The following EPHA5 variants were observed in gnomAD, a reference collection of about 807,000 sequenced individuals.
EPHA5 encodes EPH receptor A5, also known as ephrin type-A receptor 5.
Under a neutral mutation model 105.0 loss-of-function variants are expected in EPHA5, and 60 were observed. The ratio of observed to expected loss-of-function variants is 0.57; its 90% CI spans 0.46 to 0.71. The LOEUF (loss-of-function observed/expected upper bound fraction) is 0.71, where lower values mean the gene tolerates loss of function less well. Among genes scored for constraint, EPHA5 ranks in the 30% least tolerant of loss-of-function variants. EPHA5 has a pLI of 0.00. For synonymous variants in EPHA5, 513 were observed against 449.1 expected, an observed-to-expected ratio of 1.14 and a Z score of -1.80; for missense variants, 1,218 against 1,274.7, an observed-to-expected ratio of 0.96 and a Z score of 0.68.
At chr4:65,597,168 C>A (rs1292567019) in intron 3 of EPHA5, among the ~76,000 whole-genome samples, 5 of 152,156 alleles carry the variant, frequency 3.3e-5, no homozygotes, top group African/African-American at 4.8e-5. Flanking sequence ...TATATACCTT[C>A]TTCACTCTGA....
intron 3 of EPHA5, among the ~76,000 whole-genome samples, chr4:65,526,597 C>T (rs1735254415): frequency 6.6e-6 from 1 of 151,800 alleles, no homozygotes; most frequent in Non-Finnish European, 1.5e-5. Flanking sequence ...AAGCAATTTC[C>T]TATTTAGTAA....
In EPHA5 at chr4:65,603,250, G is replaced by A. The variant is rs138678804; in HGVS notation, c.247-946C>T. ...AAAATACTCCAGTTTTGAGAATCTC[G>A]ATGTACCATAACCATTTCCTGAACG... is the stretch of plus-strand genomic sequence containing the variant. On this transcript the variant is annotated intron_variant, in intron 2 of 16. Coordinates refer to ENST00000613740, the MANE Select transcript of EPHA5 (RefSeq NM_001281766.3). 5.0e-4 allele frequency among the ~76,000 whole-genome samples: 76 copies of A among 152,006 alleles called. 1 individual carries two copies. The East Asian group carries it at 0.013, about 25-fold the overall frequency.
intron 13 of EPHA5, 119 bp from the exon 14 acceptor site, chr4:65,348,322 A>G: frequency 2.2e-6 from 2 of 911,362 alleles, no homozygotes; most frequent in Non-Finnish European, 3.3e-6. Context: ...TCTGTTTGAC[A>G]GCGCGCAGTG....
intron 2 of EPHA5, among the ~76,000 whole-genome samples, chr4:65,613,988 G>T (rs1745006056): frequency 6.6e-6 from 1 of 151,764 alleles, no homozygotes; most frequent in Non-Finnish European, 1.5e-5. Context: ...TATTTTACTT[G>T]AGAATTACTA....
At chr4:65,584,009 A>G (rs1741891430) in intron 3 of EPHA5, among the ~76,000 whole-genome samples, 1 of 151,698 alleles carries the variant, frequency 6.6e-6, no homozygotes. Context: ...AAATTGTAAA[A>G]TAATGTATTT....
intron 14 of EPHA5, among the ~76,000 whole-genome samples, chr4:65,346,502 T>C (rs1424567767): frequency 6.6e-6 from 1 of 152,130 alleles, no homozygotes; most frequent in African/African-American, 2.4e-5. Context: ...CTCACATGTA[T>C]ATTTTATATA....
intron 5 of EPHA5, among the ~76,000 whole-genome samples, chr4:65,470,306 C>T (rs556166788): frequency 3.9e-4 from 59 of 152,068 alleles, no homozygotes; most frequent in African/African-American, 1.4e-3. Flanking sequence ...ATTATCCCAC[C>T]TCAGCCTCCC....
intron 5 of EPHA5, among the ~76,000 whole-genome samples, chr4:65,478,417 A>T (rs982770809): frequency 6.6e-6 from 1 of 152,180 alleles, no homozygotes; most frequent in Non-Finnish European, 1.5e-5. Flanking sequence ...TCAAATTACA[A>T]ATCTGTTTTC....
intron 3 of EPHA5, among the ~76,000 whole-genome samples, chr4:65,498,007 G>A (rs962644666): frequency 6.6e-6 from 1 of 151,978 alleles, no homozygotes; most frequent in African/African-American, 2.4e-5. Flanking sequence ...AGTAAACATA[G>A]ATACCCAATT....
intron 3 of EPHA5, among the ~76,000 whole-genome samples, chr4:65,496,040 A>G (rs943738318): frequency 4.6e-5 from 7 of 152,202 alleles, no homozygotes; most frequent in African/African-American, 1.4e-4. Flanking sequence ...GGGAGAATGC[A>G]TAGATGACCT....
intron 5 of EPHA5, among the ~76,000 whole-genome samples, chr4:65,439,572 C>T (rs1251818327): frequency 1.3e-5 from 2 of 152,012 alleles, no homozygotes; most frequent in African/African-American, 4.8e-5. Flanking sequence ...AGTAGAATTA[C>T]AAGATGCTGA....
At chr4:65,424,801 GATTTTATTA>G (rs1476012346) in intron 5 of EPHA5, among the ~76,000 whole-genome samples, 1 of 151,878 alleles carries the variant, frequency 6.6e-6, no homozygotes, top group African/African-American at 2.4e-5. Context: ...AAATTTCCTT[GATTTTATTA>G]ATTTTATTAA....
At chr4:65,480,536 G>GA (rs1175944743) in intron 5 of EPHA5, among the ~76,000 whole-genome samples, 4 of 151,842 alleles carry the variant, frequency 2.6e-5, no homozygotes, top group South Asian at 2.1e-4. Flanking sequence ...GAAAGTGAAG[G>GA]AAAAAAACAT....
chr4:65,403,736 A>T (rs914343014), intron 8 of EPHA5, among the ~76,000 whole-genome samples: 11 of 152,112 alleles, frequency 7.2e-5, no homozygotes, highest in Non-Finnish European at 2.9e-5. Flanking sequence ...TTGGTATAAA[A>T]TGAAAAATGT....
chr4:65,593,164 A>G (rs1213638274), intron 3 of EPHA5, among the ~76,000 whole-genome samples: 1 of 152,200 alleles, frequency 6.6e-6, no homozygotes, highest in African/African-American at 2.4e-5. Context: ...CTTAAGTCAT[A>G]ATGCAATTAT....
intron 11 of EPHA5, among the ~76,000 whole-genome samples, chr4:65,361,142 T>C (rs1266455693): frequency 1.3e-5 from 2 of 151,638 alleles, no homozygotes; most frequent in African/African-American, 4.8e-5. Flanking sequence ...TGTACTCCAA[T>C]GTAGAACTGG....
intron 3 of EPHA5, among the ~76,000 whole-genome samples, chr4:65,502,640 A>T (rs1360372351): frequency 6.6e-6 from 1 of 151,914 alleles, no homozygotes; most frequent in African/African-American, 2.4e-5. Context: ...ATGCTTATAC[A>T]CTGTTGGTTG....
At chr4:65,339,944 T>C (rs936754547) in intron 14 of EPHA5, among the ~76,000 whole-genome samples, 24 of 152,214 alleles carry the variant, frequency 1.6e-4, no homozygotes, top group African/African-American at 5.5e-4. Context: ...GTTTTTCTTA[T>C]CAACGTTATA....
chr4:65,495,668 A>C, intron 3 of EPHA5, 125 bp from the exon 4 acceptor site: 1 of 757,100 alleles, frequency 1.3e-6, no homozygotes, highest in Non-Finnish European at 2.0e-6. Flanking sequence ...CATCAATTTC[A>C]AGAAGTTTTC....
Sources: gnomAD v4.1 joint callset for allele counts (sites outside exome capture counted in the v4.1 genomes callset) on GRCh38, gnomAD v4.1.1 for gene constraint, MANE v1.5 for transcripts, NCBI Gene and HGNC (gene_info 2026-07-23, HGNC 2026-07-21) for gene names.